NDST4: variants seen among roughly 807,000 people sequenced by gnomAD.
The protein encoded by NDST4 is N-deacetylase and N-sulfotransferase 4, also known as N-heparan sulfate sulfotransferase 4.
In NDST4, 63 loss-of-function variants were observed where a neutral mutation model predicts 100.8. The observed-to-expected ratio is 0.62, with a 90% CI of 0.51 to 0.77. NDST4 has a LOEUF of 0.77. Ranked by LOEUF, NDST4 falls within the 30% of genes least tolerant of loss-of-function variation. NDST4 has a pLI of 0.00. For missense variants in NDST4, 943 were observed against 1,018.4 expected (o/e 0.93, Z 1.01); for synonymous variants, 377 against 361.8 (o/e 1.04, Z -0.48).
At chr4:115,096,677 C>T (rs1729626953) in intron 1 of NDST4, among the ~76,000 whole-genome samples, 1 of 152,060 alleles carries the variant, frequency 6.6e-6, no homozygotes, top group South Asian at 2.1e-4. Context: ...TTCACACTCC[C>T]ATGTAGCAAT....
At chr4:114,912,579 A>C (rs1177351799) in intron 6 of NDST4, among the ~76,000 whole-genome samples, 2 of 152,162 alleles carry the variant, frequency 1.3e-5, no homozygotes, top group Non-Finnish European at 2.9e-5. Context: ...AAGACGGTAG[A>C]ATTAAACCTT....
chr4:114,935,060 A>C, intron 6 of NDST4, 146 bp downstream of exon 6: 1 of 595,940 alleles, frequency 1.7e-6, no homozygotes, highest in Non-Finnish European at 2.4e-6. Context: ...TTATCAAGAA[A>C]AGTATTTTAA....
intron 2 of NDST4, among the ~76,000 whole-genome samples, chr4:115,007,271 A>G (rs1456576369): frequency 6.6e-6 from 1 of 152,184 alleles, no homozygotes; most frequent in Non-Finnish European, 1.5e-5. Context: ...GTATGGTTAA[A>G]ACTTCTAAAT....
intron 2 of NDST4, among the ~76,000 whole-genome samples, chr4:115,068,838 G>T (rs962256735): frequency 1.6e-4 from 23 of 147,270 alleles, no homozygotes; most frequent in Non-Finnish European, 3.0e-4. Flanking sequence ...AAAAAGAAAA[G>T]AAAAAGAAAG....
intron 1 of NDST4, among the ~76,000 whole-genome samples, chr4:115,087,381 G>T (rs1193659783): frequency 3.3e-5 from 5 of 151,994 alleles, no homozygotes; most frequent in African/African-American, 1.2e-4. Context: ...GAGCCTATTT[G>T]CCAGGTACAT....
At chr4:115,093,346 G>A (rs1729557975) in intron 1 of NDST4, among the ~76,000 whole-genome samples, 1 of 151,924 alleles carries the variant, frequency 6.6e-6, no homozygotes, top group South Asian at 2.1e-4. Context: ...GTGGTGGCGG[G>A]TGCCTGTAGT....
At chr4:114,874,465 C>T (rs1578357971) in intron 6 of NDST4, among the ~76,000 whole-genome samples, 2 of 152,300 alleles carry the variant, frequency 1.3e-5, no homozygotes, top group South Asian at 2.1e-4. Flanking sequence ...AAAACAAGCA[C>T]GCCATCCATA....
intron 2 of NDST4, among the ~76,000 whole-genome samples, chr4:115,002,270 T>C (rs1370432638): frequency 6.6e-6 from 1 of 152,194 alleles, no homozygotes; most frequent in African/African-American, 2.4e-5. Flanking sequence ...GAGCTTTTTT[T>C]CATGTTTGTT....
intron 6 of NDST4, among the ~76,000 whole-genome samples, chr4:114,875,073 G>T (rs1182789640): frequency 6.6e-6 from 1 of 152,094 alleles, no homozygotes; most frequent in East Asian, 1.9e-4. Flanking sequence ...GACAGGAAAG[G>T]AAATCTTGTT....
intron 6 of NDST4, among the ~76,000 whole-genome samples, chr4:114,879,506 T>A (rs1724322177): frequency 6.6e-6 from 1 of 152,120 alleles, no homozygotes; most frequent in African/African-American, 2.4e-5. Context: ...CCCTTGCCCT[T>A]CAGGCCACTC....
At chr4:114,967,471 A>G (rs1481221118) in intron 4 of NDST4, among the ~76,000 whole-genome samples, 1 of 152,154 alleles carries the variant, frequency 6.6e-6, no homozygotes, top group Non-Finnish European at 1.5e-5. Context: ...CAGAGCTCTC[A>G]GCATGGCTCT....
At chr4:115,104,338 G>A (rs1729795122) in intron 1 of NDST4, among the ~76,000 whole-genome samples, 1 of 152,084 alleles carries the variant, frequency 6.6e-6, no homozygotes, top group South Asian at 2.1e-4. Context: ...GACAGATGGT[G>A]GCCAGGAAGG....
chr4:115,043,891 A>G (rs534767958), intron 2 of NDST4, among the ~76,000 whole-genome samples: 1 of 152,234 alleles, frequency 6.6e-6, no homozygotes, highest in African/African-American at 2.4e-5. Context: ...GGAGAGGTCA[A>G]AAAGATGTTA....
intron 3 of NDST4, 59 bp downstream of exon 3, chr4:114,977,128 A>G: frequency 9.1e-7 from 1 of 1,101,740 alleles, no homozygotes; most frequent in Non-Finnish European, 1.4e-6. Context: ...CTTATGAATC[A>G]TTCAAAATTT....
At chr4:114,941,490 T>G (rs1286773724) in intron 4 of NDST4, among the ~76,000 whole-genome samples, 1 of 152,184 alleles carries the variant, frequency 6.6e-6, no homozygotes, top group East Asian at 1.9e-4. Flanking sequence ...CCTCTGCAGC[T>G]ATCATTTTTT....
chr4:114,936,807 G>C (rs1243585809), intron 5 of NDST4, among the ~76,000 whole-genome samples: 1 of 152,172 alleles, frequency 6.6e-6, no homozygotes, highest in Non-Finnish European at 1.5e-5. Flanking sequence ...AAGACAAAAA[G>C]AGAGAGCAGT....
chr4:114,842,897 G>A (rs1723460212), intron 10 of NDST4: 1 of 153,532 alleles, frequency 6.5e-6, no homozygotes, highest in Non-Finnish European at 1.5e-5. Context: ...ATTGTACTGT[G>A]ATTGTGATTT....
chr4:114,895,557 A>G (rs115052990), intron 6 of NDST4, among the ~76,000 whole-genome samples: 8,547 of 152,220 alleles, frequency 0.056, 295 homozygotes, highest in East Asian at 0.15. Context: ...TACCAGAACT[A>G]CAAAGAGGAA....
At position 114,870,910 on chromosome 4, in the gene NDST4, T is replaced by G; in HGVS notation, c.1577A>C (p.Asp526Ala). 6.2e-7 allele frequency: 1 copy of G among 1,610,008 alleles called. No individual in the cohort carries two copies. The highest frequency in any genetic ancestry group is 8.5e-7 in the Non-Finnish European group (1 of 1,178,268). The part of the protein sequence containing the change: ...FMTHLSNYGN[D>A]RLGLYTFVNL... ...CACAAAGGTATATAACCCTAGGCGG[T>G]CATTTCCATAGTTTGATAAATGGGT... The change falls in exon 7 of 14, where the codon GAC becomes GCC. Residue 526 changes from aspartate (D) to alanine (A), a missense_variant. Transcript: ENST00000264363.
Sources: gnomAD v4.1 joint callset for allele counts (sites outside exome capture counted in the v4.1 genomes callset) on GRCh38, gnomAD v4.1.1 for gene constraint, MANE v1.5 for transcripts, NCBI Gene and HGNC (gene_info 2026-07-23, HGNC 2026-07-21) for gene names.